FAM186A: variants seen among roughly 807,000 people sequenced by gnomAD.
FAM186A encodes family with sequence similarity 186 member A.
A neutral mutation model predicts 216.8 loss-of-function variants in FAM186A; 163 were observed. That is an observed-to-expected ratio of 0.75 (90% CI 0.66 to 0.86). The LOEUF (loss-of-function observed/expected upper bound fraction) is 0.86. Among genes scored for constraint, FAM186A ranks in the 40% least tolerant of loss-of-function variants. FAM186A has a pLI of 0.00. For missense variants in FAM186A, 2,184 were observed against 2,746.2 expected, an observed-to-expected ratio of 0.80 and a Z score of 4.58; for synonymous variants, 805 against 1,025.3, an observed-to-expected ratio of 0.79 and a Z score of 4.10.
chr12:50,370,058 A>C (rs983297215), intron 1 of FAM186A, among the ~76,000 whole-genome samples: 2 of 134,630 alleles, frequency 1.5e-5, no homozygotes, highest in African/African-American at 5.4e-5. Flanking sequence ...CGGGAGGCGG[A>C]GCTTGCAGTG....
chr12:50,351,864 G>T lies in FAM186A; in HGVS notation c.4968C>A (p.Ala1656=). 6.5e-7 allele frequency: 1 copy of T among 1,544,394 alleles called. No homozygotes were observed. The part of the protein sequence containing the change: ...ALGVPITPVN[A]WVSAVTLTSE... The stretch of plus-strand genomic sequence containing the variant: ...AGGTAAGAGTGACAGCTGACACCCA[G>T]GCATTTACTGGGGTGATGGGGACTC... The change falls in exon 4 of 8, where the codon GCC becomes GCA. Residue 1656 remains alanine (A), a synonymous_variant. Transcript: ENST00000327337.
chr12:50,334,137 A>G (rs1321258661), intron 4 of FAM186A, 34 bp from the exon 5 acceptor site: 2 of 1,470,972 alleles, frequency 1.4e-6, no homozygotes, highest in Non-Finnish European at 1.8e-6. Flanking sequence ...GAGCGATAAT[A>G]GTTGCAGACC....
intron 4 of FAM186A, among the ~76,000 whole-genome samples, chr12:50,346,201 A>AGAG (rs1942810621): frequency 1.7e-4 from 13 of 76,700 alleles, no homozygotes; most frequent in Admixed American, 5.9e-4. Flanking sequence ...GAAAGAAAGA[A>AGAG]AGAGAGAGAG....
rs114064793 is a variant in FAM186A, at chr12:50,382,963, C to T, written c.192+13330G>A. On this transcript the variant is annotated intron_variant, in intron 1 of 7. Coordinates refer to ENST00000327337, the MANE Select transcript of FAM186A (RefSeq NM_001145475.3). Reference sequence around the variant, plus strand: ...TAGTAAGAAACAAGGTCGGGCATAGCGGCTCATGCCTATAATCCCAGAACT... The same window carrying T: ...TAGTAAGAAACAAGGTCGGGCATAGTGGCTCATGCCTATAATCCCAGAACT... Among the ~76,000 whole-genome samples the T allele has an allele frequency of 8.9e-3, 1,351 of 151,800 alleles. 17 individuals carry two copies. Among genetic ancestry groups the T allele is most frequent in the African/African-American group, 0.03 (1,261 of 41,434 alleles).
rs1942682225 is a variant in FAM186A at position 50,334,011 on chromosome 12, T to C, written c.6596A>G (p.Asp2199Gly). The change falls in exon 5 of 8, where the codon GAC becomes GGC. Residue 2199 changes from aspartate to glycine, a missense_variant. Around this residue, in one of 7 missense-constraint regions of FAM186A, gnomAD observed 721 missense variants for 816.4 expected, o/e 0.88. Transcript: ENST00000327337. The part of the protein sequence containing the change: ...NLHMMLSRLD[D>G]YGKKVMQVWT... ...GACCTGCATCACCTTTTTCCCGTAG[T>C]CATCAAGTCTGCTCAGCATCATGTG... The C allele has an allele frequency of 6.4e-7, 1 of 1,551,634 alleles. No individual in the cohort carries two copies. The highest frequency in any genetic ancestry group is 2.0e-5 in the Admixed American group (1 of 50,976).
At position 50,363,422 on chromosome 12, in the gene FAM186A, A is replaced by G. The variant is rs571240127; in HGVS notation, c.193-58T>C. 14 of 1,391,892 alleles carry G rather than the reference A, an allele frequency of 1.0e-5. No individual in the cohort carries two copies. In the South Asian group the frequency reaches 1.7e-4, roughly 17 times the overall value. 86.2% of individuals were successfully genotyped at this position (1,391,892 alleles called of 1,614,324 possible). A position where few individuals can be genotyped will look rare whatever the true frequency, so the allele number is the denominator to read the frequency against. ...TTCAGTTTGAAAAGAAGCTTTGGTC[A>G]TCTTTCTTCTCAGAACGTCAGTGAC... On this transcript the variant is annotated intron_variant, in intron 1 of 7. Transcript: ENST00000327337.
intron 1 of FAM186A, among the ~76,000 whole-genome samples, chr12:50,374,355 A>T (rs1002761505): frequency 1.4e-4 from 21 of 149,874 alleles, no homozygotes; most frequent in East Asian, 1.2e-3. Context: ...TATAGAAATT[A>T]AAAAAAAAAG....
chr12:50,363,774 AAAG>A (rs1312947051), intron 1 of FAM186A, among the ~76,000 whole-genome samples: 637 of 7,342 alleles, frequency 0.087, 4 homozygotes, highest in Middle Eastern at 0.4. Context: ...AAAAAAAAAG[AAAG>A]AAAGAAAGAA....
At chr12:50,388,856 C>G (rs1373312791) in intron 1 of FAM186A, among the ~76,000 whole-genome samples, 1 of 150,582 alleles carries the variant, frequency 6.6e-6, no homozygotes, top group Non-Finnish European at 1.5e-5. Flanking sequence ...AGTTTGAGAC[C>G]AGCCTGGCCA....
intron 1 of FAM186A, among the ~76,000 whole-genome samples, chr12:50,391,416 A>G (rs983900264): frequency 3.5e-5 from 5 of 142,888 alleles, no homozygotes; most frequent in African/African-American, 5.3e-5. Flanking sequence ...CCCAGGTTCA[A>G]GCAATTCTCC....
intron 4 of FAM186A, among the ~76,000 whole-genome samples, chr12:50,340,139 GT>G (rs1942748281): frequency 6.6e-6 from 1 of 152,028 alleles, no homozygotes; most frequent in African/African-American, 2.4e-5. Flanking sequence ...TGCCCTGCCT[GT>G]CTTACTGACT....
intron 4 of FAM186A, among the ~76,000 whole-genome samples, chr12:50,341,157 G>A (rs1942759187): frequency 6.6e-6 from 1 of 152,154 alleles, no homozygotes; most frequent in African/African-American, 2.4e-5. Context: ...CACCGATCAT[G>A]AGGGAATACA....
At chr12:50,330,390 G>A (rs1025168995) in intron 7 of FAM186A, among the ~76,000 whole-genome samples, 183 bp downstream of exon 7, 1 of 152,172 alleles carries the variant, frequency 6.6e-6, no homozygotes, top group Non-Finnish European at 1.5e-5. Flanking sequence ...CCTATGATTA[G>A]AAACACTAAC....
At position 50,364,398 on chromosome 12, in the gene FAM186A, A is replaced by G. The variant is rs1332619601; in HGVS notation, c.193-1034T>C. On this transcript the variant is annotated intron_variant, in intron 1 of 7. Coordinates refer to ENST00000327337, the MANE Select transcript of FAM186A (RefSeq NM_001145475.3). ...TGAAACCCTGTCTCTCCTAAAAAAA[A>G]ATACAAAAAATTAGCTGGGCGTGGT... Among the ~76,000 whole-genome samples the G allele has an allele frequency of 2.0e-5, 3 of 151,548 alleles. No homozygotes were observed. The East Asian group carries it at 5.9e-4, about 30-fold the overall frequency.
At chr12:50,378,493 G>A (rs1943220481) in intron 1 of FAM186A, among the ~76,000 whole-genome samples, 1 of 150,742 alleles carries the variant, frequency 6.6e-6, no homozygotes, top group Non-Finnish European at 1.5e-5. Context: ...TTTCACCACT[G>A]CACTCCAGCC....
chr12:50,373,922 C>A (rs2136102368), intron 1 of FAM186A, among the ~76,000 whole-genome samples: 1 of 151,738 alleles, frequency 6.6e-6, no homozygotes, highest in African/African-American at 2.4e-5. Context: ...CAATGATAGA[C>A]TGGATTAAGA....
chr12:50,354,070 C>G lies in FAM186A; in HGVS notation c.2762G>C (p.Ser921Thr). The stretch of plus-strand genomic sequence containing the variant: ...GGTCCCTTCTTCCAGCCGCTGCAGG[C>G]TTGACTTTGGAAGCTCTTCTTCCTC... ...GQEEEELPKSSLQRLEEGTQK... is the reference protein window; with the variant it reads ...GQEEEELPKSTLQRLEEGTQK... The change falls in exon 4 of 8, where the codon AGC becomes ACC. Residue 921 changes from serine to threonine, a missense_variant. Coordinates refer to ENST00000327337, the MANE Select transcript of FAM186A (RefSeq NM_001145475.3). The G allele has an allele frequency of 6.4e-7, 1 of 1,551,748 alleles. No individual in the cohort carries two copies. Among genetic ancestry groups the G allele is most frequent in the Non-Finnish European group, 8.7e-7 (1 of 1,147,002 alleles).
rs541460788 is a variant in FAM186A at position 50,382,615 on chromosome 12, G to A, written c.192+13678C>T. On this transcript the variant is annotated intron_variant, in intron 1 of 7. Transcript: ENST00000327337. ...CGCAGGAGGCTGAGGCAGGAGAATC[G>A]CTTGAACCTGGGAGGCAGAAGTTGC... Among the ~76,000 whole-genome samples, 36 of 151,886 alleles carry A rather than the reference G, an allele frequency of 2.4e-4. 1 individual carries two copies. In the South Asian group the frequency reaches 5.0e-3, roughly 21 times the overall value.
Position 50,383,482 on chromosome 12 carries a change from G to A in FAM186A, c.192+12811C>T, listed in dbSNP as rs144293779. Among the ~76,000 whole-genome samples, 1,331 of 152,008 alleles carry A rather than the reference G, an allele frequency of 8.8e-3. 22 individuals are homozygous for A. Among genetic ancestry groups the A allele is most frequent in the African/African-American group, 0.029 (1,196 of 41,474 alleles). ...GTGGTGGTGCACACCTGTAGTTCCA[G>A]CAACTTGGGAGGCTGAGGCAGAAGA... is the stretch of plus-strand genomic sequence containing the variant. On this transcript the variant is annotated intron_variant, in intron 1 of 7. Coordinates refer to ENST00000327337, the MANE Select transcript of FAM186A (RefSeq NM_001145475.3).
Sources: gnomAD v4.1 joint callset for allele counts (sites outside exome capture counted in the v4.1 genomes callset) on GRCh38, gnomAD v4.1.1 for gene constraint, gnomAD v4.1.1 regional missense constraint, MANE v1.5 for transcripts, NCBI Gene and HGNC (gene_info 2026-07-23, HGNC 2026-07-21) for gene names.